Variants in P3H2 observed in about 807,000 individuals in gnomAD.
P3H2 encodes leprecan-like 1.
A neutral mutation model predicts 87.0 loss-of-function variants in P3H2; 80 were observed. That is an observed-to-expected ratio of 0.92 (90% confidence interval 0.77 to 1.11). The LOEUF (loss-of-function observed/expected upper bound fraction) is 1.11. P3H2 is among the 50% of genes least tolerant of loss of function. The probability of loss-of-function intolerance (pLI) is 0.00; values close to 1 mark genes in which losing one functional copy is unlikely to be tolerated. For synonymous variants in P3H2, 367 were observed against 359.3 expected (o/e 1.02, Z -0.24); for missense variants, 1,001 against 923.9 (o/e 1.08, Z -1.08).
chr3:190,008,887 G>A (rs1358880186), intron 1 of P3H2, among the ~76,000 whole-genome samples: 6 of 151,858 alleles, frequency 4.0e-5, no homozygotes, highest in Admixed American at 6.6e-5. Context: ...TGGGAAATCA[G>A]GCAAATACCT....
At chr3:190,105,660 C>G (rs886971869) in intron 1 of P3H2, among the ~76,000 whole-genome samples, 1 of 152,084 alleles carries the variant, frequency 6.6e-6, no homozygotes, top group Non-Finnish European at 1.5e-5. Flanking sequence ...AATTTATGTC[C>G]ATTGCATTTT....
At chr3:190,013,208 C>G (rs114120423) in intron 1 of P3H2, among the ~76,000 whole-genome samples, 1 of 152,164 alleles carries the variant, frequency 6.6e-6, no homozygotes, top group Non-Finnish European at 1.5e-5. Context: ...AGTAAATACA[C>G]ATGACAATGA....
chr3:190,108,899 A>T (rs1349474578), intron 1 of P3H2, among the ~76,000 whole-genome samples: 1 of 152,190 alleles, frequency 6.6e-6, no homozygotes, highest in African/African-American at 2.4e-5. Context: ...TCAGTGTTGT[A>T]CACGTGGAAT....
intron 1 of P3H2, among the ~76,000 whole-genome samples, chr3:190,072,851 A>G (rs1187824217): frequency 6.6e-6 from 1 of 152,238 alleles, no homozygotes; most frequent in Non-Finnish European, 1.5e-5. Context: ...GTTCTGGATG[A>G]TGATGTTGAA....
chr3:190,018,498 A>G (rs953583570), intron 1 of P3H2, among the ~76,000 whole-genome samples: 11 of 151,932 alleles, frequency 7.2e-5, no homozygotes, highest in Admixed American at 3.3e-4. Flanking sequence ...GCTTGAGGCG[A>G]GCAGTTTGAG....
At position 190,010,217 on chromosome 3, in the gene P3H2, T is replaced by C. The variant is rs148556858; in HGVS notation, c.481-14775A>G. Among the ~76,000 whole-genome samples the C allele has an allele frequency of 7.1e-3, 1,079 of 152,288 alleles. 3 individuals are homozygous for C. Among genetic ancestry groups the C allele is most frequent in the Non-Finnish European group, 9.1e-3 (619 of 68,020 alleles). ...TGTGTAGACTGGGCAGATATTCATA[T>C]CCCAATTTTGCAAATAAGAAGAATG... On this transcript the variant is annotated intron_variant, in intron 1 of 14. Coordinates refer to ENST00000319332, the MANE Select transcript of P3H2 (RefSeq NM_018192.4).
intron 1 of P3H2, among the ~76,000 whole-genome samples, chr3:190,054,776 C>T (rs552125554): frequency 6.6e-6 from 1 of 152,300 alleles, no homozygotes; most frequent in Admixed American, 6.5e-5. Flanking sequence ...CCCCCATCCC[C>T]TCACCTCACT....
At chr3:190,061,581 C>T (rs1305946712) in intron 1 of P3H2, among the ~76,000 whole-genome samples, 1 of 152,066 alleles carries the variant, frequency 6.6e-6, no homozygotes, top group African/African-American at 2.4e-5. Context: ...CTAAATAGTA[C>T]TAAACCTTTT....
chr3:190,026,850 T>C (rs1725100947), intron 1 of P3H2, among the ~76,000 whole-genome samples: 1 of 152,192 alleles, frequency 6.6e-6, no homozygotes, highest in South Asian at 2.1e-4. Context: ...GTTGTTCTAA[T>C]AACCAGGTCT....
chr3:190,060,843 G>T (rs1726309319), intron 1 of P3H2, among the ~76,000 whole-genome samples: 1 of 152,068 alleles, frequency 6.6e-6, no homozygotes, highest in South Asian at 2.1e-4. Flanking sequence ...TATAGAAATG[G>T]CAGGAACCAT....
At chr3:190,089,557 C>T (rs749201598) in intron 1 of P3H2, among the ~76,000 whole-genome samples, 1 of 152,150 alleles carries the variant, frequency 6.6e-6, no homozygotes, top group South Asian at 2.1e-4. Flanking sequence ...GAGGACTGGA[C>T]GGATGTTCTG....
chr3:189,980,263 A>C (rs1418810187), intron 8 of P3H2, among the ~76,000 whole-genome samples: 2 of 152,176 alleles, frequency 1.3e-5, no homozygotes, highest in African/African-American at 4.8e-5. Flanking sequence ...CCTTTTAGTC[A>C]GATTAAGATA....
chr3:190,071,176 G>A lies in P3H2; in HGVS notation c.480+49076C>T, dbSNP rs116150000. 3.9e-3 allele frequency among the ~76,000 whole-genome samples: 591 copies of A among 152,170 alleles called. 5 individuals are homozygous for A. The highest frequency in any genetic ancestry group is 0.013 in the African/African-American group (555 of 41,508). On this transcript the variant is annotated intron_variant, in intron 1 of 14. Coordinates refer to ENST00000319332, the MANE Select transcript of P3H2 (RefSeq NM_018192.4). ...CTGTGACATTGACTTTAGCTATTAC[G>A]GTTTGCTTCAGGCACTCAGATAGTA...
chr3:189,979,800 A>G lies in P3H2; in HGVS notation c.1324+3246T>C, dbSNP rs1288040165. Among the ~76,000 whole-genome samples the G allele has an allele frequency of 2.1e-5, 3 of 139,608 alleles. No individual in the cohort carries two copies. In the Admixed American group the frequency reaches 2.2e-4, roughly 10 times the overall value. The allele number at this position is 139,608 out of a possible 152,430, so 91.6% of individuals were successfully genotyped here. The stretch of plus-strand genomic sequence containing the variant: ...GAGATGGTGAAACCCCGTCTCTACT[A>G]AAAAAAAAAATGAAGAAATTAGCCT... On this transcript the variant is annotated intron_variant, in intron 8 of 14. Coordinates refer to ENST00000319332, the MANE Select transcript of P3H2 (RefSeq NM_018192.4).
At chr3:190,093,298 C>T (rs1727473406) in intron 1 of P3H2, among the ~76,000 whole-genome samples, 2 of 152,066 alleles carry the variant, frequency 1.3e-5, no homozygotes, top group African/African-American at 4.8e-5. Context: ...ACAAGACAGA[C>T]AGTTGAGGAA....
intron 7 of P3H2, 56 bp from the exon 8 acceptor site, chr3:189,983,196 G>A (rs1044297925): frequency 1.3e-5 from 17 of 1,299,552 alleles, no homozygotes; most frequent in Non-Finnish European, 1.9e-5. Flanking sequence ...GATGTTCAAA[G>A]GCAAAGAATA....
intron 1 of P3H2, among the ~76,000 whole-genome samples, chr3:190,120,051 A>T (rs1410756751): frequency 6.6e-6 from 1 of 152,194 alleles, no homozygotes; most frequent in Admixed American, 6.5e-5. Flanking sequence ...TCTGAGAAAG[A>T]GAGAAAAAGA....
chr3:190,055,188 G>A (rs972303623), intron 1 of P3H2, among the ~76,000 whole-genome samples: 1 of 152,088 alleles, frequency 6.6e-6, no homozygotes, highest in Non-Finnish European at 1.5e-5. Context: ...ACTTTTAATA[G>A]TGCATCTTAC....
chr3:189,973,219 A>G (rs1723231358), intron 10 of P3H2, 195 bp from the exon 11 acceptor site: 4 of 582,776 alleles, frequency 6.9e-6, no homozygotes, highest in Non-Finnish European at 1.2e-5. Flanking sequence ...ACAGATGGAA[A>G]GCTAAAAGCT....
Sources: gnomAD v4.1 joint callset for allele counts (sites outside exome capture counted in the v4.1 genomes callset) on GRCh38, gnomAD v4.1.1 for gene constraint, MANE v1.5 for transcripts, NCBI Gene and HGNC (gene_info 2026-07-23, HGNC 2026-07-21) for gene names.